DHX35: variants seen among roughly 807,000 people sequenced by gnomAD.
DHX35 encodes the protein probable ATP-dependent RNA helicase DHX35.
In DHX35, 84 loss-of-function variants were observed where a neutral mutation model predicts 99.6. That is an observed-to-expected ratio of 0.84 (90% CI 0.71 to 1.01). The LOEUF (loss-of-function observed/expected upper bound fraction) is 1.01, where lower values mean the gene tolerates loss of function less well. Among genes scored for constraint, DHX35 ranks in the 50% least tolerant of loss-of-function variants. DHX35 has a pLI of 0.00. For missense variants in DHX35, 852 were observed against 888.5 expected (o/e 0.96, Z 0.52); for synonymous variants, 331 against 316.2 (o/e 1.05, Z -0.50).
chr20:38,962,655 C>A (rs1266113718), intron 1 of DHX35: 1 of 525,678 alleles, frequency 1.9e-6, no homozygotes. Context: ...CCTCAGGCCT[C>A]GTCTTCCTCG....
Position 39,001,263 on chromosome 20 carries a change from C to T in DHX35, c.643-467C>T, listed in dbSNP as rs1249941588. Among the ~76,000 whole-genome samples, 5 of 152,112 alleles carry T rather than the reference C, an allele frequency of 3.3e-5. No homozygotes were observed. The East Asian group carries it at 9.6e-4, about 29-fold the overall frequency. ...GGCCTAAAACCAGTAACAATGGGGC[C>T]GGAAACACACCTACTGTTCACAGAA... On this transcript the variant is annotated intron_variant, in intron 8 of 21. Transcript: ENST00000252011.
In DHX35 at chr20:39,010,309, A is replaced by G. The variant is rs2086681366; in HGVS notation, c.1252A>G (p.Thr418Ala). 1.2e-6 allele frequency: 2 copies of G among 1,614,108 alleles called. No homozygotes were observed. The highest frequency in any genetic ancestry group is 1.7e-6 in the Non-Finnish European group (2 of 1,180,018). The change falls in exon 13 of 22, where the codon ACG (threonine) becomes GCG (alanine). Residue 418 changes from threonine (T) to alanine (A), a missense_variant. Physicochemically the swap from Thr to Ala is moderately conservative, Grantham distance 58. Coordinates refer to ENST00000252011, the MANE Select transcript of DHX35 (RefSeq NM_021931.4). ...EEAFDKLPQS[T>A]VPEMQRSNLA... is the part of the protein sequence containing the mutation. Reference sequence around the variant, plus strand: ...AGCCTTTGACAAGTTGCCTCAGTCTACGGTTCCTGAGATGCAGCGTAGTAA... The same window carrying G: ...AGCCTTTGACAAGTTGCCTCAGTCTGCGGTTCCTGAGATGCAGCGTAGTAA...
chr20:39,006,146 G>C lies in DHX35; in HGVS notation c.1012G>C (p.Val338Leu), dbSNP rs1391437977. ...FERVSRSVRK[V>L]IVATNVAETS... ...ATTCTTCTTTCTGTGGGGAACGTAG[G>C]TGATAGTGGCCACCAATGTGGCAGA... The change falls in exon 12 of 22, where the codon GTG (valine) becomes CTG (leucine). Residue 338 changes from valine to leucine, a missense_variant and splice_region_variant. Transcript: ENST00000252011. 6.2e-7 allele frequency: 1 copy of C among 1,612,380 alleles called. No individual in the cohort carries two copies. Among genetic ancestry groups the C allele is most frequent in the Non-Finnish European group, 8.5e-7 (1 of 1,178,652 alleles).
At chr20:39,015,019 A>C in intron 14 of DHX35, 85 bp downstream of exon 14, 2 of 1,471,976 alleles carry the variant, frequency 1.4e-6, no homozygotes, top group South Asian at 2.3e-5. Flanking sequence ...TAGGGATTTT[A>C]GTATCTTCAG....
At chr20:38,968,381 A>G (rs1445602332) in intron 1 of DHX35, among the ~76,000 whole-genome samples, 4 of 152,122 alleles carry the variant, frequency 2.6e-5, no homozygotes, top group Admixed American at 2.0e-4. Context: ...ATCCTACAGT[A>G]ACAAGATTCA....
Position 39,030,771 on chromosome 20 carries a change from C to T in DHX35, c.1951C>T (p.Arg651Cys), listed in dbSNP as rs149376135. The change falls in exon 20 of 22, where the codon CGC (arginine) becomes TGC (cysteine). Residue 651 changes from arginine to cysteine, a missense_variant. Transcript: ENST00000252011. ...ASVLYAEKPP[R>C]WVIYNEVIQT... ...AGTCCTCTATGCAGAGAAGCCGCCTCGCTGGTAAGCTCATCCTGCTGCTTA... is the reference window on the plus strand; with the variant it reads ...AGTCCTCTATGCAGAGAAGCCGCCTTGCTGGTAAGCTCATCCTGCTGCTTA... 5.0e-4 allele frequency: 804 copies of T among 1,614,130 alleles called. 2 individuals carry two copies. The Middle Eastern group carries it at 8.6e-3, about 17-fold the overall frequency.
intron 3 of DHX35, chr20:38,978,406 T>C (rs780172076): frequency 1.3e-5 from 9 of 667,594 alleles, no homozygotes; most frequent in Non-Finnish European, 2.5e-5. Context: ...CATGTCCGTG[T>C]CCATCACATC....
At chr20:39,005,252 G>A (rs1019351083) in intron 11 of DHX35, among the ~76,000 whole-genome samples, 4 of 152,180 alleles carry the variant, frequency 2.6e-5, no homozygotes, top group African/African-American at 9.7e-5. Flanking sequence ...AGCTCCCAAT[G>A]TACTGGGAAT....
At chr20:38,972,776 T>C in intron 3 of DHX35, 125 bp downstream of exon 3, 1 of 636,196 alleles carries the variant, frequency 1.6e-6, no homozygotes. Context: ...TCACTTCAAC[T>C]AGATATTTTT....
At chr20:39,015,476 A>G (rs917346042) in intron 14 of DHX35, among the ~76,000 whole-genome samples, 1 of 151,370 alleles carries the variant, frequency 6.6e-6, no homozygotes, top group Non-Finnish European at 1.5e-5. Flanking sequence ...TAATGGCAAA[A>G]CCCGCAATTG....
intron 12 of DHX35, among the ~76,000 whole-genome samples, chr20:39,009,145 G>T (rs1231347233): frequency 6.6e-6 from 1 of 152,158 alleles, no homozygotes; most frequent in Non-Finnish European, 1.5e-5. Context: ...TTTCAGCAGG[G>T]TGGTCCTCTT....
At chr20:38,963,759 T>A (rs2085869804) in intron 1 of DHX35, among the ~76,000 whole-genome samples, 1 of 152,252 alleles carries the variant, frequency 6.6e-6, no homozygotes, top group Admixed American at 6.5e-5. Context: ...TAATCCTGTG[T>A]TCAGGAGACA....
intron 18 of DHX35, 93 bp downstream of exon 18, chr20:39,025,452 T>C (rs952683707): frequency 1.3e-6 from 2 of 1,493,010 alleles, no homozygotes; most frequent in Admixed American, 3.9e-5. Context: ...TGCGAGGCAG[T>C]GTGGCGTGCT....
At position 39,001,838 on chromosome 20, in the gene DHX35, C is replaced by T. The variant is rs756802319; in HGVS notation, c.751C>T (p.Gln251Ter). 1.9e-6 allele frequency: 3 copies of T among 1,608,422 alleles called. No homozygotes were observed. The Admixed American group carries it at 5.0e-5, about 27-fold the overall frequency. The change falls in exon 9 of 22, where the codon CAA (glutamine) becomes TAA (stop). Residue 251 changes from glutamine to a stop codon, truncating the protein, a stop_gained. Coordinates refer to ENST00000252011, the MANE Select transcript of DHX35 (RefSeq NM_021931.4). LOFTEE classifies it high-confidence loss of function. Reference sequence around the variant, plus strand: ...ATTTCCGGTGGATATCTTTTATCTACAAAGGTTTGATGATGCTTGAATTCT... The same window carrying T: ...ATTTCCGGTGGATATCTTTTATCTATAAAGGTTTGATGATGCTTGAATTCT... ...RTFPVDIFYLQSPVPDYIKST... is the reference protein window; with the variant it reads ...RTFPVDIFYL
At chr20:38,997,044 CATTTT>C (rs1373539923) in intron 8 of DHX35, among the ~76,000 whole-genome samples, 8 of 146,632 alleles carry the variant, frequency 5.5e-5, no homozygotes, top group Non-Finnish European at 1.2e-4. Context: ...TTCTTAGATT[CATTTT>C]ATTTATTTAT....
At chr20:38,964,084 A>G (rs2085874729) in intron 1 of DHX35, among the ~76,000 whole-genome samples, 1 of 152,222 alleles carries the variant, frequency 6.6e-6, no homozygotes, top group Non-Finnish European at 1.5e-5. Context: ...ATAGGTTACT[A>G]TTATAATTAT....
intron 4 of DHX35, among the ~76,000 whole-genome samples, chr20:38,988,490 C>G (rs1430100045): frequency 6.6e-6 from 1 of 152,024 alleles, no homozygotes; most frequent in African/African-American, 2.4e-5. Context: ...ATTAGCTGGG[C>G]CTGGTGGCGC....
At chr20:39,000,714 TGTTTTGTAA>T (rs1331205750) in intron 8 of DHX35, among the ~76,000 whole-genome samples, 3 of 152,102 alleles carry the variant, frequency 2.0e-5, no homozygotes, top group African/African-American at 7.2e-5. Context: ...AGGATGGGCA[TGTTTTGTAA>T]AGGTACATAG....
intron 18 of DHX35, among the ~76,000 whole-genome samples, chr20:39,026,261 T>A (rs1480813822): frequency 6.6e-6 from 1 of 152,188 alleles, no homozygotes; most frequent in Non-Finnish European, 1.5e-5. Flanking sequence ...CCCCATCTTA[T>A]AGGTGAGAAA....
Sources: allele counts gnomAD v4.1 joint callset (sites outside exome capture counted in the v4.1 genomes callset), GRCh38; gene constraint gnomAD v4.1.1; transcripts MANE v1.5; gene names NCBI Gene and HGNC (gene_info 2026-07-23, HGNC 2026-07-21).